RBFOX1: variants seen among roughly 807,000 people sequenced by gnomAD.
The protein encoded by RBFOX1 is RNA binding protein fox-1 homolog 1.
RBFOX1 carries 8 observed loss-of-function variants against 57.7 expected under a neutral mutation model. That is an observed-to-expected ratio of 0.14 (90% CI 0.08 to 0.25). RBFOX1 has a LOEUF of 0.25. RBFOX1 is among the 10% of genes least tolerant of loss of function. The probability of loss-of-function intolerance (pLI) is 1.00; values close to 1 mark genes in which losing one functional copy is unlikely to be tolerated. For synonymous variants in RBFOX1, 326 were observed against 222.4 expected (o/e 1.47, Z -4.15); for missense variants, 611 against 548.5 (o/e 1.11, Z -1.14).
chr16:5,248,359 C>T (rs1360903934), intron 1 of RBFOX1, among the ~76,000 whole-genome samples: 7 of 152,240 alleles, frequency 4.6e-5, no homozygotes, highest in African/African-American at 1.2e-4. Flanking sequence ...CACAGCCTTC[C>T]TTGCAGGCAA....
chr16:5,349,856 T>G (rs1276441451), intron 1 of RBFOX1, among the ~76,000 whole-genome samples: 1 of 152,220 alleles, frequency 6.6e-6, no homozygotes, highest in Non-Finnish European at 1.5e-5. Context: ...GAAGCAGCCC[T>G]GCTGAGCAGT....
intron 10 of RBFOX1, among the ~76,000 whole-genome samples, chr16:7,621,521 C>T (rs919139027): frequency 6.6e-6 from 1 of 152,124 alleles, no homozygotes; most frequent in African/African-American, 2.4e-5. Context: ...CTTGGCTTTC[C>T]AAAGTGCTGG....
rs571539379 is a variant in RBFOX1, at chr16:5,821,600, G to A, written c.319-45703G>A. Among the ~76,000 whole-genome samples, 5 of 152,258 alleles carry A rather than the reference G, an allele frequency of 3.3e-5. No homozygotes were observed. In the South Asian group the frequency reaches 8.3e-4, roughly 25 times the overall value. Reference sequence around the variant, plus strand: ...TTATAGGCATGACCTACCATGTCTGGTTCTTTATTATTATTAATGTGTTTG... The same window carrying A: ...TTATAGGCATGACCTACCATGTCTGATTCTTTATTATTATTAATGTGTTTG... On this transcript the variant is annotated intron_variant, in intron 3 of 19. Coordinates refer to the RBFOX1 transcript ENST00000641259.
chr16:5,451,059 C>G (rs536511901), intron 1 of RBFOX1, among the ~76,000 whole-genome samples: 1 of 152,164 alleles, frequency 6.6e-6, no homozygotes. Context: ...AGTGGGCACT[C>G]GAGGAATGGC....
chr16:6,625,547 G>A (rs554319108), intron 2 of RBFOX1, among the ~76,000 whole-genome samples: 1 of 152,112 alleles, frequency 6.6e-6, no homozygotes, highest in Non-Finnish European at 1.5e-5. Context: ...AGCCCTCTCT[G>A]TCTGTTATTT....
chr16:6,247,366 A>G (rs1234568063), intron 1 of RBFOX1, among the ~76,000 whole-genome samples: 1 of 152,192 alleles, frequency 6.6e-6, no homozygotes, highest in African/African-American at 2.4e-5. Context: ...AGCTGGTCAC[A>G]TGTGTGATTT....
At chr16:5,463,852 A>C (rs1184133962) in intron 1 of RBFOX1, among the ~76,000 whole-genome samples, 1 of 152,116 alleles carries the variant, frequency 6.6e-6, no homozygotes, top group Non-Finnish European at 1.5e-5. Context: ...CAACAGCAAG[A>C]TTACAACACC....
At chr16:7,155,582 T>G (rs1601277557) in intron 4 of RBFOX1, among the ~76,000 whole-genome samples, 3 of 139,840 alleles carry the variant, frequency 2.1e-5, no homozygotes, top group East Asian at 2.2e-4. Flanking sequence ...GGTAACAGGG[T>G]GAGCACTTGT....
chr16:6,543,452 C>G (rs1006410236), intron 2 of RBFOX1, among the ~76,000 whole-genome samples: 2 of 152,128 alleles, frequency 1.3e-5, no homozygotes, highest in African/African-American at 4.8e-5. Flanking sequence ...GAGGCATTTT[C>G]TTTCTTGACT....
intron 4 of RBFOX1, among the ~76,000 whole-genome samples, chr16:7,429,026 G>A (rs1341909011): frequency 6.6e-6 from 1 of 152,144 alleles, no homozygotes; most frequent in Non-Finnish European, 1.5e-5. Flanking sequence ...TCTACTGTGA[G>A]ACGTCCACAC....
chr16:6,232,065 A>G (rs1482073720), intron 1 of RBFOX1, among the ~76,000 whole-genome samples: 1 of 152,190 alleles, frequency 6.6e-6, no homozygotes, highest in African/African-American at 2.4e-5. Flanking sequence ...AATTTGCCCT[A>G]TTCCTCCGTG....
chr16:7,309,968 T>A (rs1332993018), intron 4 of RBFOX1, among the ~76,000 whole-genome samples: 4 of 152,222 alleles, frequency 2.6e-5, no homozygotes, highest in Non-Finnish European at 4.4e-5. Context: ...CATTCATCAA[T>A]AAAGTTTCCT....
At chr16:7,664,660 T>C (rs1486694692) in intron 12 of RBFOX1, 2 of 523,666 alleles carry the variant, frequency 3.8e-6, no homozygotes, top group Admixed American at 6.4e-5. Flanking sequence ...TGCCTTTCTG[T>C]ACCCACTCCT....
intron 4 of RBFOX1, among the ~76,000 whole-genome samples, chr16:7,284,820 T>C (rs960177502): frequency 6.6e-6 from 1 of 152,220 alleles, no homozygotes; most frequent in Admixed American, 6.5e-5. Context: ...GGCTGAGTGT[T>C]AGAGCTTTAA....
At chr16:6,998,076 A>G (rs546441056) in intron 3 of RBFOX1, among the ~76,000 whole-genome samples, 23 of 152,218 alleles carry the variant, frequency 1.5e-4, no homozygotes, top group Non-Finnish European at 3.1e-4. Context: ...AAAAATATAG[A>G]TATAAATATA....
chr16:6,485,754 TTCTG>T (rs1226908245), intron 2 of RBFOX1, among the ~76,000 whole-genome samples: 2 of 152,212 alleles, frequency 1.3e-5, no homozygotes, highest in Non-Finnish European at 2.9e-5. Context: ...CGAAAGTACT[TTCTG>T]TCTCATGACT....
At chr16:5,452,116 C>CTTTT (rs148215801) in intron 1 of RBFOX1, among the ~76,000 whole-genome samples, 6 of 108,106 alleles carry the variant, frequency 5.6e-5, no homozygotes, top group Admixed American at 3.0e-4. Flanking sequence ...CTCTCTCTCT[C>CTTTT]TTTTTTTTTT....
intron 11 of RBFOX1, among the ~76,000 whole-genome samples, chr16:7,643,802 G>C (rs1442021115): frequency 6.6e-6 from 1 of 152,128 alleles, no homozygotes; most frequent in Middle Eastern, 3.2e-3. Context: ...AAAAGGAACA[G>C]GGCCTTTCCA....
intron 1 of RBFOX1, among the ~76,000 whole-genome samples, chr16:5,323,693 C>T (rs1347122571): frequency 6.6e-6 from 1 of 152,250 alleles, no homozygotes; most frequent in Non-Finnish European, 1.5e-5. Context: ...ACCCGGGCTT[C>T]AAAAGCCAGC....
Sources: gnomAD v4.1 joint callset for allele counts (sites outside exome capture counted in the v4.1 genomes callset) on GRCh38, gnomAD v4.1.1 for gene constraint, MANE v1.5 for transcripts, NCBI Gene and HGNC (gene_info 2026-07-23, HGNC 2026-07-21) for gene names.